The following MAGI2 variants were observed in gnomAD, a reference collection of about 807,000 sequenced individuals.
MAGI2 encodes membrane associated guanylate kinase, WW and PDZ domain containing 2.
MAGI2 carries 35 observed loss-of-function variants against 133.3 expected under a neutral mutation model. That is an observed-to-expected ratio of 0.26 (90% CI 0.20 to 0.35). MAGI2 has a LOEUF of 0.35. Among genes scored for constraint, MAGI2 ranks in the 10% least tolerant of loss-of-function variants. The pLI is 1.00. For missense variants in MAGI2, 1,636 were observed against 1,863.4 expected, an observed-to-expected ratio of 0.88 and a Z score of 2.25; for synonymous variants, 729 against 710.6, an observed-to-expected ratio of 1.03 and a Z score of -0.41.
rs563471072 is a variant in MAGI2 at position 79,030,905 on chromosome 7, T to C, written c.302-23699A>G. On this transcript the variant is annotated intron_variant, in intron 1 of 21. Transcript: ENST00000354212. ...TTGTTGGCACAAGTCCATAATTAAATTGCAAAAGCTTGGAATGATATGGAA... is the reference window on the plus strand; with the variant it reads ...TTGTTGGCACAAGTCCATAATTAAACTGCAAAAGCTTGGAATGATATGGAA... Among the ~76,000 whole-genome samples the C allele has an allele frequency of 8.5e-5, 13 of 152,308 alleles. No individual in the cohort carries two copies. In the East Asian group the frequency reaches 2.1e-3, roughly 25 times the overall value.
chr7:79,269,715 T>C (rs1834739077), intron 1 of MAGI2, among the ~76,000 whole-genome samples: 1 of 152,210 alleles, frequency 6.6e-6, no homozygotes, highest in Admixed American at 6.5e-5. Flanking sequence ...ATCTCCAAGC[T>C]GTTTTTGGTT....
rs1360269785 is a variant in MAGI2, at chr7:78,418,924, AGCAATAAGGTCTGAATATT to A, written c.1046-49730_1046-49712del. Among the ~76,000 whole-genome samples the A allele has an allele frequency of 6.6e-5, 10 of 152,186 alleles. No homozygotes were observed. The East Asian group carries it at 1.9e-3, about 29-fold the overall frequency. ...ATTATTTTTGTCTTTGCTGACAAAC[AGCAATAAGGTCTGAATATT>A]GCAATAAGGAGGAGGTCAGCAAGAA... On this transcript the variant is annotated intron_variant, in intron 6 of 21. Coordinates refer to ENST00000354212, the MANE Select transcript of MAGI2 (RefSeq NM_012301.4).
chr7:78,629,355 A>G (rs1584899785), intron 2 of MAGI2, among the ~76,000 whole-genome samples: 1 of 152,102 alleles, frequency 6.6e-6, no homozygotes, highest in Non-Finnish European at 1.5e-5. Flanking sequence ...TACAATCTCA[A>G]ATGCTGCAAC....
chr7:78,117,722 A>C (rs563987510), intron 20 of MAGI2, among the ~76,000 whole-genome samples: 39 of 152,206 alleles, frequency 2.6e-4, no homozygotes, highest in Middle Eastern at 3.4e-3. Flanking sequence ...AAACCTCAAA[A>C]CTCTAATTAG....
intron 7 of MAGI2, among the ~76,000 whole-genome samples, chr7:78,356,774 T>C (rs1792126881): frequency 6.6e-6 from 1 of 152,168 alleles, no homozygotes; most frequent in South Asian, 2.1e-4. Flanking sequence ...CCACCAAACC[T>C]TGGACACCAA....
At chr7:78,601,579 A>T (rs1805216521) in intron 3 of MAGI2, among the ~76,000 whole-genome samples, 1 of 152,292 alleles carries the variant, frequency 6.6e-6, no homozygotes, top group African/African-American at 2.4e-5. Flanking sequence ...TTCAGTATTT[A>T]CGGGCATTTT....
intron 2 of MAGI2, among the ~76,000 whole-genome samples, chr7:78,890,705 A>T (rs1275272979): frequency 1.3e-5 from 2 of 152,200 alleles, no homozygotes; most frequent in Non-Finnish European, 2.9e-5. Flanking sequence ...ACATACCAGA[A>T]TCTCTGGGAC....
At chr7:79,430,275 C>G (rs1847686219) in intron 1 of MAGI2, among the ~76,000 whole-genome samples, 1 of 151,652 alleles carries the variant, frequency 6.6e-6, no homozygotes, top group African/African-American at 2.4e-5. Flanking sequence ...TTTTAGTTAC[C>G]CTTCACAATT....
rs71085560 is a variant in MAGI2 at position 78,728,540 on chromosome 7, CTTTTTTTTTTTTTTTTTTTTTTTTTT to C, written c.419-101327_419-101302del. 2.0e-4 allele frequency among the ~76,000 whole-genome samples: 12 copies of C among 60,112 alleles called. No homozygotes were observed. In the South Asian group the frequency reaches 2.3e-3, roughly 11 times the overall value. The allele number at this position is 60,112 out of a possible 152,430, so 39.4% of individuals were successfully genotyped here. A position where few individuals can be genotyped will look rare whatever the true frequency, so the allele number is the denominator to read the frequency against. ...ATTGGTATGTCCATCTTTCTCTGAT[CTTTTTTTTTTTTTTTTTTTTTTTTTT>C]TTTTTTTTTTTTTTTTTGAGACGGA... On this transcript the variant is annotated intron_variant, in intron 2 of 21. Coordinates refer to ENST00000354212, the MANE Select transcript of MAGI2 (RefSeq NM_012301.4).
chr7:79,013,089 C>G (rs563398555), intron 1 of MAGI2, among the ~76,000 whole-genome samples: 1 of 152,098 alleles, frequency 6.6e-6, no homozygotes, highest in African/African-American at 2.4e-5. Flanking sequence ...GGGTGTAGGA[C>G]CAAATAACAT....
At chr7:78,564,842 G>A (rs1800774381) in intron 3 of MAGI2, among the ~76,000 whole-genome samples, 1 of 119,464 alleles carries the variant, frequency 8.4e-6, no homozygotes, top group Non-Finnish European at 1.6e-5. Context: ...GGCCCAGGCT[G>A]GAGTGCAGTG....
chr7:78,640,013 A>G (rs1048415605), intron 2 of MAGI2, among the ~76,000 whole-genome samples: 2 of 152,114 alleles, frequency 1.3e-5, no homozygotes, highest in Admixed American at 6.5e-5. Flanking sequence ...CTTTTTTGAG[A>G]TTTTAGTATT....
At position 79,160,851 on chromosome 7, in the gene MAGI2, C is replaced by T; in HGVS notation, c.302-153645G>A. Among the ~76,000 whole-genome samples the T allele has an allele frequency of 1.3e-5, 2 of 152,002 alleles. 1 individual carries two copies. The highest frequency in any genetic ancestry group is 4.8e-5 in the African/African-American group (2 of 41,422). ...CATCAAATATGCCTATTACCCAGGT[C>T]ACAGTAAGTCTGGGGCTAAGGGGGC... On this transcript the variant is annotated intron_variant, in intron 1 of 21. Transcript: ENST00000354212.
At chr7:79,256,634 G>A (rs1319378799) in intron 1 of MAGI2, among the ~76,000 whole-genome samples, 1 of 151,734 alleles carries the variant, frequency 6.6e-6, no homozygotes, top group African/African-American at 2.4e-5. Context: ...GGGATTACAG[G>A]TGTGCACCAC....
At chr7:78,480,089 G>A (rs1309980480) in intron 6 of MAGI2, among the ~76,000 whole-genome samples, 1 of 151,680 alleles carries the variant, frequency 6.6e-6, no homozygotes, top group Non-Finnish European at 1.5e-5. Context: ...CACCAACTTG[G>A]AAGCAATGAA....
At position 79,447,692 on chromosome 7, in the gene MAGI2, A is replaced by T. The variant is rs531701224; in HGVS notation, c.301+5328T>A. Among the ~76,000 whole-genome samples, 8 of 152,076 alleles carry T rather than the reference A, an allele frequency of 5.3e-5. No individual in the cohort carries two copies. The South Asian group carries it at 1.7e-3, about 32-fold the overall frequency. On this transcript the variant is annotated intron_variant, in intron 1 of 21. Transcript: ENST00000354212. ...ACTATAGTACGTTAATAGTATTTAAATAGTATTTAAATTTAATGGTATTTT... is the reference window on the plus strand; with the variant it reads ...ACTATAGTACGTTAATAGTATTTAATTAGTATTTAAATTTAATGGTATTTT...
chr7:79,251,325 G>A (rs1330785974), intron 1 of MAGI2, among the ~76,000 whole-genome samples: 1 of 151,800 alleles, frequency 6.6e-6, no homozygotes, highest in African/African-American at 2.4e-5. Flanking sequence ...GAGAATATTT[G>A]CAAACTATCC....
intron 2 of MAGI2, among the ~76,000 whole-genome samples, chr7:78,825,349 T>A (rs1410688030): frequency 6.6e-6 from 1 of 152,202 alleles, no homozygotes; most frequent in Admixed American, 6.5e-5. Flanking sequence ...AATTACAAAA[T>A]GAACTACCAA....
chr7:79,105,014 A>G (rs1167424268), intron 1 of MAGI2, among the ~76,000 whole-genome samples: 1 of 152,178 alleles, frequency 6.6e-6, no homozygotes, highest in Admixed American at 6.5e-5. Context: ...TCTTTGGAAA[A>G]TTCTATTCAT....
Sources: allele counts gnomAD v4.1 joint callset (sites outside exome capture counted in the v4.1 genomes callset), GRCh38; gene constraint gnomAD v4.1.1; transcripts MANE v1.5; gene names NCBI Gene and HGNC (gene_info 2026-07-23, HGNC 2026-07-21).